Variants in COL4A2 observed in about 807,000 individuals in gnomAD.
COL4A2 encodes the protein collagen type IV alpha 2 chain, also known as collagen alpha-2(IV) chain.
Under a neutral mutation model 200.2 loss-of-function variants are expected in COL4A2, and 99 were observed. That is an observed-to-expected ratio of 0.49 (90% CI 0.42 to 0.58). The LOEUF (loss-of-function observed/expected upper bound fraction) is 0.58. Among genes scored for constraint, COL4A2 ranks in the 20% least tolerant of loss-of-function variants. The probability of loss-of-function intolerance (pLI) is 0.00; values close to 1 mark genes in which losing one functional copy is unlikely to be tolerated. For missense variants in COL4A2, 1,950 were observed against 2,314.1 expected, an observed-to-expected ratio of 0.84 and a Z score of 3.23; for synonymous variants, 897 against 900.6, an observed-to-expected ratio of 1.00 and a Z score of 0.07.
intron 4 of COL4A2, among the ~76,000 whole-genome samples, chr13:110,381,937 G>A (rs1400263622): frequency 6.6e-6 from 1 of 152,094 alleles, no homozygotes; most frequent in Non-Finnish European, 1.5e-5. Flanking sequence ...TTCTCTAGAA[G>A]CTTGATGCTA....
At chr13:110,432,484 A>T in intron 11 of COL4A2, 124 bp downstream of exon 11, 1 of 1,240,272 alleles carries the variant, frequency 8.1e-7, no homozygotes, top group East Asian at 2.8e-5. Context: ...TGATGAAAAC[A>T]GTTTTGGAGG....
chr13:110,438,956 C>T (rs1423106022), intron 15 of COL4A2, among the ~76,000 whole-genome samples: 4 of 152,174 alleles, frequency 2.6e-5, no homozygotes, highest in Admixed American at 2.0e-4. Flanking sequence ...GCGCGAGTAC[C>T]GCACAAAACC....
chr13:110,368,547 C>T (rs897641846), intron 4 of COL4A2, among the ~76,000 whole-genome samples: 3 of 152,216 alleles, frequency 2.0e-5, no homozygotes, highest in South Asian at 2.1e-4. Context: ...TTTCTATTTC[C>T]TTATCAGCTT....
At chr13:110,441,037 A>G (rs1214892046) in intron 16 of COL4A2, among the ~76,000 whole-genome samples, 1 of 152,222 alleles carries the variant, frequency 6.6e-6, no homozygotes. Flanking sequence ...GGTGGTTTTC[A>G]TATTTCCAGC....
At chr13:110,468,450 C>T (rs769220200) in intron 27 of COL4A2, 5 of 394,836 alleles carry the variant, frequency 1.3e-5, no homozygotes, top group African/African-American at 2.1e-5. Context: ...AGACTACAGC[C>T]GTGTGCCAAG....
chr13:110,495,351 T>C lies in COL4A2; in HGVS notation c.3644T>C (p.Ile1215Thr), dbSNP rs780542726. 6.2e-7 allele frequency: 1 copy of C among 1,614,094 alleles called. No individual in the cohort carries two copies. Among genetic ancestry groups the C allele is most frequent in the Non-Finnish European group, 8.5e-7 (1 of 1,180,010 alleles). Residue 1215 changes from isoleucine (I) to threonine (T), a missense_variant, in exon 40 of 48, where the codon ATC (isoleucine) becomes ACC (threonine). Ile to Thr is a moderately conservative substitution (Grantham distance 89). This residue lies in a region of COL4A2 where 1,385 missense variants were observed against 1,720.5 expected (regional missense o/e 0.80). Transcript: ENST00000360467. ...TATAACTCTTCCACAGGTTCTGACA[T>C]CCACGGAGACCCAGGCTTCCCAGGC... ...KGFPGSPGSD[I>T]HGDPGFPGPP...
At chr13:110,353,212 A>G (rs1293685254) in intron 3 of COL4A2, among the ~76,000 whole-genome samples, 1 of 152,220 alleles carries the variant, frequency 6.6e-6, no homozygotes, top group Non-Finnish European at 1.5e-5. Context: ...CCTTATAGGG[A>G]AAAACAGGCC....
chr13:110,495,234 G>C, intron 39 of COL4A2, 108 bp from the exon 40 acceptor site: 1 of 1,300,398 alleles, frequency 7.7e-7, no homozygotes, highest in Non-Finnish European at 1.1e-6. Flanking sequence ...CACCATGGCT[G>C]CCTCTGTTTC....
chr13:110,345,710 C>T (rs1292688657), intron 3 of COL4A2, among the ~76,000 whole-genome samples: 1 of 152,106 alleles, frequency 6.6e-6, no homozygotes. Flanking sequence ...GAAGGGTGGC[C>T]ATCTATATTA....
At chr13:110,472,210 G>C (rs376451126) in intron 28 of COL4A2, among the ~76,000 whole-genome samples, 23 of 151,144 alleles carry the variant, frequency 1.5e-4, no homozygotes, top group African/African-American at 5.6e-4. Flanking sequence ...CCGCCTCCCG[G>C]GTTCACGCCA....
At chr13:110,385,589 C>T (rs113517921) in intron 4 of COL4A2, among the ~76,000 whole-genome samples, 3,109 of 88,408 alleles carry the variant, frequency 0.035, 907 homozygotes, top group Middle Eastern at 0.045. Context: ...GTGGATAGGC[C>T]GTGGTTACAG....
chr13:110,443,334 G>A (rs773797471), intron 16 of COL4A2, among the ~76,000 whole-genome samples: 4 of 152,148 alleles, frequency 2.6e-5, no homozygotes, highest in Non-Finnish European at 4.4e-5. Flanking sequence ...TTCACACCAC[G>A]AGAGACAGCA....
intron 28 of COL4A2, among the ~76,000 whole-genome samples, chr13:110,469,799 G>A (rs566096648): frequency 5.9e-5 from 9 of 152,126 alleles, no homozygotes; most frequent in African/African-American, 2.2e-4. Context: ...GTGTCAGCAT[G>A]CTCTGGAATG....
intron 4 of COL4A2, among the ~76,000 whole-genome samples, chr13:110,385,936 CGTGTGG>C (rs1878718280): frequency 4.9e-5 from 1 of 20,254 alleles, no homozygotes; most frequent in Non-Finnish European, 1.1e-4. Context: ...GTGGTTACAG[CGTGTGG>C]ATGGGCCGTG....
At chr13:110,319,341 A>T (rs1309633050) in intron 3 of COL4A2, among the ~76,000 whole-genome samples, 1 of 152,248 alleles carries the variant, frequency 6.6e-6, no homozygotes, top group African/African-American at 2.4e-5. Flanking sequence ...TATTTCCAGA[A>T]CAAATGGAAA....
At chr13:110,450,533 T>C in intron 20 of COL4A2, 79 bp downstream of exon 20, 1 of 1,532,610 alleles carries the variant, frequency 6.5e-7, no homozygotes, top group Non-Finnish European at 8.9e-7. Context: ...TTATTTGGGA[T>C]TCTCTGCTAA....
Position 110,437,999 on chromosome 13 carries a change from C to T in COL4A2, c.826-3C>T. The T allele has an allele frequency of 1.2e-6, 2 of 1,612,036 alleles. No homozygotes were observed. Among genetic ancestry groups the T allele is most frequent in the Non-Finnish European group, 1.7e-6 (2 of 1,178,350 alleles). ...CGTTTCTTATTTTTCATATTCTTCA[C>T]AGGGTGAAAAAGGCAGTGAGGGGGA... On this transcript the variant is annotated splice_region_variant and splice_polypyrimidine_tract_variant and intron_variant, in intron 13 of 47. Transcript: ENST00000360467.
Position 110,485,698 on chromosome 13 carries a change from T to C in COL4A2, c.3069T>C (p.Pro1023=), listed in dbSNP as rs534504433. 1.4e-5 allele frequency: 23 copies of C among 1,613,172 alleles called. No individual in the cohort carries two copies. The African/African-American group carries it at 2.3e-4, about 16-fold the overall frequency. Residue 1023 remains proline, a synonymous_variant, in exon 34 of 48, where the codon CCT becomes CCC. Coordinates refer to ENST00000360467, the MANE Select transcript of COL4A2 (RefSeq NM_001846.4). The part of the protein sequence containing the change: ...MPGIPGLSGI[P]GLPGRPGHIK... ...GCATCCCAGGGCTGTCAGGAATCCC[T>C]GGGCTGCCTGGGAGGCCCGGCCACA...
Position 110,507,851 on chromosome 13 carries a change from C to T in COL4A2, c.4595-84C>T. ...GGTGCCCTGGGGCGAGTCCGTGACA[C>T]ACAGCCTCCTGGGCCTGGCTGGGGC... On this transcript the variant is annotated intron_variant, in intron 46 of 47. Coordinates refer to ENST00000360467, the MANE Select transcript of COL4A2 (RefSeq NM_001846.4). The T allele has an allele frequency of 2.7e-6, 4 of 1,455,404 alleles. No homozygotes were observed. The Admixed American group carries it at 5.2e-5, about 19-fold the overall frequency. The allele number at this position is 1,455,404 out of a possible 1,614,324, so 90.2% of individuals were successfully genotyped here.
Sources: gnomAD v4.1 joint callset for allele counts (sites outside exome capture counted in the v4.1 genomes callset) on GRCh38, gnomAD v4.1.1 for gene constraint, gnomAD v4.1.1 regional missense constraint, MANE v1.5 for transcripts, NCBI Gene and HGNC (gene_info 2026-07-23, HGNC 2026-07-21) for gene names.